NAALADL2: variants seen among roughly 807,000 people sequenced by gnomAD.
NAALADL2 encodes N-acetylated alpha-linked acidic dipeptidase like 2.
Under a neutral mutation model 87.2 loss-of-function variants are expected in NAALADL2, and 76 were observed. That is an observed-to-expected ratio of 0.87 (90% CI 0.72 to 1.05). The LOEUF (loss-of-function observed/expected upper bound fraction) is 1.05, where lower values mean the gene tolerates loss of function less well. Among genes scored for constraint, NAALADL2 ranks in the 50% least tolerant of loss-of-function variants. The pLI is 0.00. For synonymous variants in NAALADL2, 354 were observed against 331.0 expected, an observed-to-expected ratio of 1.07 and a Z score of -0.75; for missense variants, 1,089 against 945.8, an observed-to-expected ratio of 1.15 and a Z score of -1.99.
chr3:175,697,436 AC>A (rs1737979322), intron 11 of NAALADL2, among the ~76,000 whole-genome samples: 1 of 125,586 alleles, frequency 8.0e-6, no homozygotes, highest in African/African-American at 3.4e-5. Context: ...CACACACAAA[AC>A]CCTACTTATG....
chr3:175,141,617 C>A (rs1464525928), intron 2 of NAALADL2, among the ~76,000 whole-genome samples: 1 of 151,908 alleles, frequency 6.6e-6, no homozygotes, highest in Non-Finnish European at 1.5e-5. Context: ...TAAGAAAGTA[C>A]AGCAAAGCTG....
intron 1 of NAALADL2, among the ~76,000 whole-genome samples, chr3:174,952,078 T>C (rs1740449476): frequency 6.6e-6 from 1 of 152,166 alleles, no homozygotes; most frequent in African/African-American, 2.4e-5. Context: ...ACACTTGTTC[T>C]GTAAAATTTT....
At chr3:174,552,059 T>C (rs1208606703) in intron 2 of NAALADL2, among the ~76,000 whole-genome samples, 2 of 152,210 alleles carry the variant, frequency 1.3e-5, no homozygotes, top group East Asian at 1.9e-4. Context: ...ACATACAACA[T>C]TCTAGTGCCT....
intron 2 of NAALADL2, among the ~76,000 whole-genome samples, chr3:174,561,261 G>A (rs113965073): frequency 3.4e-5 from 5 of 148,752 alleles, no homozygotes; most frequent in Non-Finnish European, 5.9e-5. Flanking sequence ...GTGCAGTGGT[G>A]CGATCTTGGC....
At position 174,705,895 on chromosome 3, in the gene NAALADL2, T is replaced by C. The variant is rs544874141; in HGVS notation, c.-114-31746T>C. Reference sequence around the variant, plus strand: ...AAGTGATTTCCCAGGGTGATGCATATAGGTATTAGCAAAAAGTCTAGAATT... The same window carrying C: ...AAGTGATTTCCCAGGGTGATGCATACAGGTATTAGCAAAAAGTCTAGAATT... On this transcript the variant is annotated intron_variant, in intron 2 of 3. Coordinates refer to the NAALADL2 transcript ENST00000434257. 2.0e-5 allele frequency among the ~76,000 whole-genome samples: 3 copies of C among 152,096 alleles called. No homozygotes were observed. The East Asian group carries it at 5.8e-4, about 29-fold the overall frequency.
chr3:174,884,868 A>G (rs1159608852), intron 1 of NAALADL2, among the ~76,000 whole-genome samples: 3 of 152,062 alleles, frequency 2.0e-5, no homozygotes, highest in African/African-American at 4.8e-5. Context: ...GGAATTTAGT[A>G]TAGGTCTAGA....
At chr3:175,128,409 C>T (rs931855490) in intron 2 of NAALADL2, among the ~76,000 whole-genome samples, 14 of 152,116 alleles carry the variant, frequency 9.2e-5, no homozygotes, top group African/African-American at 2.9e-4. Context: ...GGATTAGCTA[C>T]TTCAAAGAAC....
chr3:174,907,579 C>T (rs1369342475), intron 1 of NAALADL2, among the ~76,000 whole-genome samples: 1 of 152,064 alleles, frequency 6.6e-6, no homozygotes, highest in Non-Finnish European at 1.5e-5. Flanking sequence ...AAAACCACGT[C>T]CCTAAAAGGT....
chr3:175,593,566 A>C (rs1225499784), intron 10 of NAALADL2, among the ~76,000 whole-genome samples: 1 of 152,186 alleles, frequency 6.6e-6, no homozygotes, highest in Non-Finnish European at 1.5e-5. Flanking sequence ...TTCCAATATC[A>C]AGATGTCATT....
At chr3:175,358,052 G>T (rs1764583333) in intron 5 of NAALADL2, among the ~76,000 whole-genome samples, 1 of 152,134 alleles carries the variant, frequency 6.6e-6, no homozygotes, top group Non-Finnish European at 1.5e-5. Context: ...GAACTGAAAT[G>T]CATGCCATTG....
At chr3:174,769,304 C>G (rs1714236511) in intron 3 of NAALADL2, among the ~76,000 whole-genome samples, 1 of 151,640 alleles carries the variant, frequency 6.6e-6, no homozygotes, top group Non-Finnish European at 1.5e-5. Flanking sequence ...AGTTTTTTTT[C>G]TGTTTTTCTT....
At chr3:174,598,221 A>T (rs189029343) in intron 2 of NAALADL2, among the ~76,000 whole-genome samples, 16 of 152,288 alleles carry the variant, frequency 1.1e-4, no homozygotes, top group Non-Finnish European at 2.1e-4. Context: ...ACTAAAGGAA[A>T]CCTGATAGGA....
intron 2 of NAALADL2, among the ~76,000 whole-genome samples, chr3:175,200,926 A>C (rs574220585): frequency 2.6e-4 from 40 of 152,156 alleles, no homozygotes; most frequent in African/African-American, 9.6e-4. Flanking sequence ...CCTGCACTCC[A>C]ATCCAAGTCA....
chr3:175,623,351 A>G (rs781238771), intron 10 of NAALADL2, among the ~76,000 whole-genome samples: 1 of 151,994 alleles, frequency 6.6e-6, no homozygotes, highest in Non-Finnish European at 1.5e-5. Context: ...AGTCCTGAAC[A>G]GAGGAGAAGG....
intron 5 of NAALADL2, among the ~76,000 whole-genome samples, chr3:175,408,228 T>G (rs1415274285): frequency 6.6e-6 from 1 of 152,076 alleles, no homozygotes. Context: ...TGACTTCAGT[T>G]AATAGCAATG....
chr3:175,319,109 A>C (rs1759519938), intron 4 of NAALADL2, among the ~76,000 whole-genome samples: 1 of 152,218 alleles, frequency 6.6e-6, no homozygotes, highest in Non-Finnish European at 1.5e-5. Context: ...GAGGATTTGA[A>C]GAGTAAGTCT....
chr3:174,808,037 A>G (rs1308239454), intron 3 of NAALADL2, among the ~76,000 whole-genome samples: 5 of 152,060 alleles, frequency 3.3e-5, no homozygotes, highest in Admixed American at 1.3e-4. Context: ...TTGGTACATT[A>G]TCCGTAAAAA....
At chr3:175,462,048 C>G (rs1723219062) in intron 6 of NAALADL2, among the ~76,000 whole-genome samples, 1 of 152,040 alleles carries the variant, frequency 6.6e-6, no homozygotes, top group Admixed American at 6.6e-5. Flanking sequence ...TATGCATTGT[C>G]AAAGCCCATT....
intron 2 of NAALADL2, among the ~76,000 whole-genome samples, chr3:174,622,520 C>G (rs62284669): frequency 6.6e-6 from 1 of 151,826 alleles, no homozygotes; most frequent in African/African-American, 2.4e-5. Flanking sequence ...CCACATATAA[C>G]TTTTGAATCC....
Sources: gnomAD v4.1 joint callset for allele counts (sites outside exome capture counted in the v4.1 genomes callset) on GRCh38, gnomAD v4.1.1 for gene constraint, MANE v1.5 for transcripts, NCBI Gene and HGNC (gene_info 2026-07-23, HGNC 2026-07-21) for gene names.